Variants in MGAT4C observed in about 807,000 individuals in gnomAD.
The protein encoded by MGAT4C is alpha-1,3-mannosyl-glycoprotein 4-beta-N-acetylglucosaminyltransferase C.
In MGAT4C, 19 loss-of-function variants were observed where a neutral mutation model predicts 40.1. The ratio of observed to expected loss-of-function variants is 0.47; its 90% confidence interval spans 0.33 to 0.70. The LOEUF is 0.70. MGAT4C is among the 30% of genes least tolerant of loss of function. The pLI, the probability that MGAT4C is intolerant of heterozygous loss-of-function variation, is 0.02. For missense variants in MGAT4C, 491 were observed against 563.2 expected (o/e 0.87, Z 1.30); for synonymous variants, 181 against 187.1 (o/e 0.97, Z 0.27).
At chr12:86,342,889 C>T (rs946399142) in intron 3 of MGAT4C, among the ~76,000 whole-genome samples, 2 of 152,060 alleles carry the variant, frequency 1.3e-5, no homozygotes, top group Admixed American at 1.3e-4. Context: ...ATTATAATTA[C>T]CAAAGAAAGA....
chr12:86,730,846 C>A (rs1565952751), intron 1 of MGAT4C, among the ~76,000 whole-genome samples: 1 of 152,058 alleles, frequency 6.6e-6, no homozygotes, highest in Non-Finnish European at 1.5e-5. Flanking sequence ...TTTATTATAA[C>A]CGCTATTAAC....
intron 2 of MGAT4C, among the ~76,000 whole-genome samples, chr12:86,649,644 G>T (rs114576322): frequency 0.031 from 4,713 of 151,806 alleles, 122 homozygotes; most frequent in African/African-American, 0.074. Context: ...GTGTTTTTAA[G>T]CTTATCCCTG....
chr12:86,158,085 A>G (rs1438454264), intron 1 of MGAT4C, among the ~76,000 whole-genome samples: 3 of 152,210 alleles, frequency 2.0e-5, no homozygotes, highest in Non-Finnish European at 2.9e-5. Context: ...AAAACGATAC[A>G]TTTAGCTAGA....
chr12:85,991,213 C>A (rs143651789), intron 2 of MGAT4C, among the ~76,000 whole-genome samples: 111 of 152,296 alleles, frequency 7.3e-4, no homozygotes, highest in African/African-American at 2.5e-3. Flanking sequence ...ACCCTCTTCT[C>A]AGCAGACAGG....
At chr12:86,711,389 C>T (rs2136631636) in intron 2 of MGAT4C, among the ~76,000 whole-genome samples, 1 of 152,040 alleles carries the variant, frequency 6.6e-6, no homozygotes, top group South Asian at 2.1e-4. Context: ...GGAACCAACA[C>T]TCATATTTAC....
At chr12:86,138,638 A>C (rs1007398299) in intron 1 of MGAT4C, among the ~76,000 whole-genome samples, 3 of 147,732 alleles carry the variant, frequency 2.0e-5, no homozygotes, top group African/African-American at 7.4e-5. Context: ...TTCCATAGAT[A>C]TATCATATAT....
chr12:86,214,863 A>G (rs1950606948), intron 1 of MGAT4C, among the ~76,000 whole-genome samples: 1 of 152,204 alleles, frequency 6.6e-6, no homozygotes, highest in Non-Finnish European at 1.5e-5. Flanking sequence ...AACATACGCA[A>G]TGGACATTCG....
Position 86,450,234 on chromosome 12 carries a change from T to C in MGAT4C, c.-228-14969A>G, listed in dbSNP as rs138681734. ...CAGGATTTGTTTTTTCCCATACTCA[T>C]TGGTTTTAATCTGTATTTCACCGAT... On this transcript the variant is annotated intron_variant, in intron 2 of 7. Transcript: ENST00000548651. Among the ~76,000 whole-genome samples the C allele has an allele frequency of 1.6e-3, 239 of 152,256 alleles. 1 individual carries two copies. Among genetic ancestry groups the C allele is most frequent in the African/African-American group, 5.7e-3 (235 of 41,560 alleles).
At chr12:86,468,663 T>C (rs1003023955) in intron 2 of MGAT4C, among the ~76,000 whole-genome samples, 1 of 152,102 alleles carries the variant, frequency 6.6e-6, no homozygotes, top group Non-Finnish European at 1.5e-5. Context: ...TTTCTCCAAC[T>C]TTCTCTTCTA....
chr12:86,635,661 G>A (rs548274891), intron 2 of MGAT4C, among the ~76,000 whole-genome samples: 6 of 151,144 alleles, frequency 4.0e-5, no homozygotes, highest in Admixed American at 1.3e-4. Flanking sequence ...TATACATTGT[G>A]TGTGTGTGTG....
chr12:86,488,997 C>T (rs1346123823), intron 2 of MGAT4C, among the ~76,000 whole-genome samples: 7 of 152,140 alleles, frequency 4.6e-5, no homozygotes, highest in Admixed American at 4.6e-4. Context: ...GCTTCTATCC[C>T]TGTGTGCCCA....
At chr12:86,302,490 G>T (rs1373410370) in intron 4 of MGAT4C, among the ~76,000 whole-genome samples, 1 of 150,506 alleles carries the variant, frequency 6.6e-6, no homozygotes, top group Non-Finnish European at 1.5e-5. Flanking sequence ...GTGCAGTGGT[G>T]CAATGTGGGC....
intron 2 of MGAT4C, among the ~76,000 whole-genome samples, chr12:86,669,067 C>T (rs2136560822): frequency 6.6e-6 from 1 of 152,274 alleles, no homozygotes; most frequent in African/African-American, 2.4e-5. Flanking sequence ...CGAGCCACAC[C>T]ACCTTTCCTG....
At chr12:86,410,116 A>C (rs1956573822) in intron 3 of MGAT4C, among the ~76,000 whole-genome samples, 1 of 152,322 alleles carries the variant, frequency 6.6e-6, no homozygotes, top group African/African-American at 2.4e-5. Context: ...GGGCAAAATT[A>C]GAATTACTGA....
chr12:86,768,191 A>G (rs1370875085), intron 1 of MGAT4C, among the ~76,000 whole-genome samples: 2 of 152,174 alleles, frequency 1.3e-5, no homozygotes, highest in African/African-American at 2.4e-5. Context: ...AAATCAATGT[A>G]CAAAAATCAC....
At chr12:86,284,701 G>C (rs973605418) in intron 4 of MGAT4C, among the ~76,000 whole-genome samples, 12 of 151,958 alleles carry the variant, frequency 7.9e-5, no homozygotes, top group Non-Finnish European at 1.8e-4. Context: ...AACCATGTAA[G>C]TGTACACTTT....
chr12:86,313,230 G>A (rs992607801), intron 4 of MGAT4C, among the ~76,000 whole-genome samples: 3 of 151,954 alleles, frequency 2.0e-5, no homozygotes, highest in African/African-American at 7.3e-5. Flanking sequence ...TTTTATCAGG[G>A]TACTTTTAAG....
At chr12:86,664,035 T>C (rs1003943537) in intron 2 of MGAT4C, among the ~76,000 whole-genome samples, 2 of 152,126 alleles carry the variant, frequency 1.3e-5, no homozygotes, top group Non-Finnish European at 2.9e-5. Flanking sequence ...CATTCAAACA[T>C]TTGGAAATGC....
rs79923435 is a variant in MGAT4C at position 86,385,042 on chromosome 12, A to T, written c.-120+50115T>A. On this transcript the variant is annotated intron_variant, in intron 3 of 7. Coordinates refer to the MGAT4C transcript ENST00000548651. ...CCCCTACTAAAAAGAATATTTTGAA[A>T]GTTAATGTTACCATTTAAAATTCAA... 3.4e-3 allele frequency among the ~76,000 whole-genome samples: 522 copies of T among 152,348 alleles called. 4 individuals are homozygous for T. Among genetic ancestry groups the T allele is most frequent in the African/African-American group, 0.012 (506 of 41,586 alleles).
Sources: gnomAD v4.1 joint callset for allele counts (sites outside exome capture counted in the v4.1 genomes callset) on GRCh38, gnomAD v4.1.1 for gene constraint, MANE v1.5 for transcripts, NCBI Gene and HGNC (gene_info 2026-07-23, HGNC 2026-07-21) for gene names.